Variants in ZHX3 observed in about 807,000 individuals in gnomAD.
The protein encoded by ZHX3 is zinc fingers and homeoboxes 3.
A neutral mutation model predicts 64.5 loss-of-function variants in ZHX3; 20 were observed. The ratio of observed to expected loss-of-function variants is 0.31; its 90% CI spans 0.22 to 0.45. ZHX3 has a LOEUF of 0.45. Among genes scored for constraint, ZHX3 ranks in the 20% least tolerant of loss-of-function variants. The pLI is 1.00. For synonymous variants in ZHX3, 423 were observed against 461.6 expected (o/e 0.92, Z 1.07); for missense variants, 1,041 against 1,195.8 (o/e 0.87, Z 1.91).
At chr20:41,223,915 A>G (rs2146346002) in intron 2 of ZHX3, among the ~76,000 whole-genome samples, 1 of 152,324 alleles carries the variant, frequency 6.6e-6, no homozygotes, top group East Asian at 1.9e-4. Context: ...AACTTCTAAT[A>G]GCTACAGATG....
chr20:41,258,682 T>C (rs1265105151), intron 2 of ZHX3, among the ~76,000 whole-genome samples: 1 of 152,224 alleles, frequency 6.6e-6, no homozygotes, highest in Non-Finnish European at 1.5e-5. Context: ...ATCATGGGGC[T>C]CATGATGTTG....
chr20:41,187,324 A>G (rs1265255873), intron 3 of ZHX3, among the ~76,000 whole-genome samples: 1 of 2,150 alleles, frequency 4.7e-4, no homozygotes, highest in African/African-American at 1.6e-3. Flanking sequence ...AACCTGTCTC[A>G]AAAAAAAAAA....
chr20:41,280,847 G>A (rs2146686108), intron 1 of ZHX3, among the ~76,000 whole-genome samples: 1 of 151,846 alleles, frequency 6.6e-6, no homozygotes, highest in Admixed American at 6.6e-5. Context: ...AGAGGGGAAA[G>A]GAGGATAAAT....
intron 2 of ZHX3, among the ~76,000 whole-genome samples, chr20:41,205,365 C>T (rs1372883045): frequency 1.3e-5 from 2 of 152,190 alleles, no homozygotes; most frequent in African/African-American, 2.4e-5. Context: ...AAAAACAAAA[C>T]GCCCTCTTTT....
chr20:41,265,288 C>T (rs1333049533), intron 2 of ZHX3, among the ~76,000 whole-genome samples: 1 of 151,796 alleles, frequency 6.6e-6, no homozygotes, highest in South Asian at 2.1e-4. Context: ...CCGCAACCCC[C>T]GCCACCCGGG....
chr20:41,303,262 C>G (rs1244184790), intron 1 of ZHX3, among the ~76,000 whole-genome samples: 1 of 152,220 alleles, frequency 6.6e-6, no homozygotes. Flanking sequence ...AGTGCCACAT[C>G]AGACACACTG....
chr20:41,265,469 T>C (rs2042796694), intron 2 of ZHX3, among the ~76,000 whole-genome samples: 1 of 152,190 alleles, frequency 6.6e-6, no homozygotes, highest in Non-Finnish European at 1.5e-5. Flanking sequence ...CCCAAAGTGC[T>C]GGGATGACAG....
chr20:41,193,996 G>A (rs990541444), intron 3 of ZHX3, among the ~76,000 whole-genome samples: 2 of 152,050 alleles, frequency 1.3e-5, no homozygotes, highest in African/African-American at 4.8e-5. Flanking sequence ...TACCACAACT[G>A]GCCTCAAGTT....
At chr20:41,255,583 A>T (rs1300936591) in intron 2 of ZHX3, among the ~76,000 whole-genome samples, 1 of 152,214 alleles carries the variant, frequency 6.6e-6, no homozygotes, top group Non-Finnish European at 1.5e-5. Flanking sequence ...TGCACTCTTT[A>T]TATAGAGAAA....
chr20:41,292,690 A>G (rs1568952216), intron 1 of ZHX3, among the ~76,000 whole-genome samples: 2 of 152,266 alleles, frequency 1.3e-5, no homozygotes, highest in Non-Finnish European at 2.9e-5. Context: ...AGAGTAAGAA[A>G]AAAATTGGAT....
intron 2 of ZHX3, among the ~76,000 whole-genome samples, chr20:41,259,400 A>G (rs1419212767): frequency 6.6e-6 from 1 of 152,234 alleles, no homozygotes; most frequent in Non-Finnish European, 1.5e-5. Context: ...CTAGCCTATA[A>G]AATACTTGCA....
At chr20:41,218,477 A>G (rs747532284) in intron 2 of ZHX3, among the ~76,000 whole-genome samples, 1 of 151,856 alleles carries the variant, frequency 6.6e-6, no homozygotes, top group Non-Finnish European at 1.5e-5. Flanking sequence ...ATAAATGGTA[A>G]AAAGGCTTGA....
At position 41,255,237 on chromosome 20, in the gene ZHX3, C is replaced by T. The variant is rs371150662; in HGVS notation, c.-151+13753G>A. On this transcript the variant is annotated intron_variant, in intron 2 of 3. Transcript: ENST00000683867. ...CGCCATCTCGGCTCACTGCAAGCTCCGCCTCCTGGGTTCACGCCATTCTCT... is the reference window on the plus strand; with the variant it reads ...CGCCATCTCGGCTCACTGCAAGCTCTGCCTCCTGGGTTCACGCCATTCTCT... Among the ~76,000 whole-genome samples, 9 of 152,162 alleles carry T rather than the reference C, an allele frequency of 5.9e-5. No individual in the cohort carries two copies. In the South Asian group the frequency reaches 1.2e-3, roughly 21 times the overall value.
At chr20:41,298,804 C>T (rs2044664872) in intron 1 of ZHX3, among the ~76,000 whole-genome samples, 1 of 152,122 alleles carries the variant, frequency 6.6e-6, no homozygotes, top group African/African-American at 2.4e-5. Flanking sequence ...AAGAGAGGGA[C>T]TTGGGAGATG....
At position 41,197,056 on chromosome 20, in the gene ZHX3, A is replaced by C. The variant is rs962261443; in HGVS notation, c.2860+5001T>G. On this transcript the variant is annotated intron_variant, in intron 3 of 3. Coordinates refer to ENST00000683867, the MANE Select transcript of ZHX3 (RefSeq NM_001384317.1). The stretch of plus-strand genomic sequence containing the variant: ...GCAGCTCTATGACACTGATGTGGTC[A>C]AAGTCAACACATTGATCAGGGCTGA... 7.9e-5 allele frequency: 17 copies of C among 213,994 alleles called. No individual in the cohort carries two copies. In the East Asian group the frequency reaches 1.6e-3, roughly 20 times the overall value. 13.3% of individuals were successfully genotyped at this position (213,994 alleles called of 1,614,324 possible).
chr20:41,290,205 G>GC (rs2044159299), intron 1 of ZHX3: 1 of 152,196 alleles, frequency 6.6e-6, no homozygotes, highest in African/African-American at 2.4e-5. Context: ...CAGGTACTAT[G>GC]CTTGAAACCT....
chr20:41,238,547 T>C (rs1335576822), intron 2 of ZHX3: 2 of 152,244 alleles, frequency 1.3e-5, no homozygotes, highest in Admixed American at 1.3e-4. Flanking sequence ...ATGATGCTTC[T>C]AACATCTGCT....
Position 41,204,411 on chromosome 20 carries a change from C to T in ZHX3, c.506G>A (p.Ser169Asn), listed in dbSNP as rs757677549. 3 of 1,614,200 alleles carry T rather than the reference C, an allele frequency of 1.9e-6. No individual in the cohort carries two copies. The highest frequency in any genetic ancestry group is 1.1e-5 in the South Asian group (1 of 91,078). The change falls in exon 3 of 4, where the codon AGT (serine) becomes AAT (asparagine). Residue 169 changes from serine to asparagine, a missense_variant. Physicochemically the swap from Ser to Asn is conservative, Grantham distance 46 (BLOSUM62 1). Transcript: ENST00000683867. The surrounding 1 kb of genome is among the most constrained non-coding windows in gnomAD (Gnocchi z 6.6). The stretch of plus-strand genomic sequence containing the variant: ...TGCCTGTCCATCAGCCCCTTCAGCA[C>T]TGGGCTCACCCGCTAGGTCAGGAGT... The part of the protein sequence containing the change: ...TSTPDLAGEP[S>N]AEGADGQAEI...
Position 41,289,847 on chromosome 20 carries a change from A to G in ZHX3, c.-244-20764T>C, listed in dbSNP as rs554714616. Among the ~76,000 whole-genome samples the G allele has an allele frequency of 2.6e-3, 388 of 152,130 alleles. 2 individuals carry two copies. Among genetic ancestry groups the G allele is most frequent in the African/African-American group, 8.8e-3 (367 of 41,498 alleles). On this transcript the variant is annotated intron_variant, in intron 1 of 3. Coordinates refer to ENST00000683867, the MANE Select transcript of ZHX3 (RefSeq NM_001384317.1). ...CCTGACAAATAGTAGGTGGTCAATA[A>G]AAGATTGCTGAAAACATGGAAATAA...
Sources: allele counts gnomAD v4.1 joint callset (sites outside exome capture counted in the v4.1 genomes callset), GRCh38; gene constraint gnomAD v4.1.1; non-coding constraint Gnocchi (gnomAD v3.1); transcripts MANE v1.5; gene names NCBI Gene and HGNC (gene_info 2026-07-23, HGNC 2026-07-21).